Variants in PIK3R3 observed in about 807,000 individuals in gnomAD.
The protein encoded by PIK3R3 is phosphoinositide-3-kinase regulatory subunit 3, also known as phosphatidylinositol 3-kinase regulatory subunit gamma.
In PIK3R3, 64 loss-of-function variants were observed where a neutral mutation model predicts 62.9. The observed-to-expected ratio is 1.02, with a 90% CI of 0.83 to 1.25. The LOEUF (loss-of-function observed/expected upper bound fraction) is 1.25. Ranked by LOEUF, PIK3R3 falls within the 50% of genes most tolerant of loss-of-function variation. The pLI, the probability that PIK3R3 is intolerant of heterozygous loss-of-function variation, is 0.00. For synonymous variants in PIK3R3, 165 were observed against 189.0 expected (o/e 0.87, Z 1.04); for missense variants, 614 against 561.6 (o/e 1.09, Z -0.94).
chr1:46,041,237 T>C lies in PIK3R3; in HGVS notation c.*2436A>G, dbSNP rs191258079. 1.9e-5 allele frequency: 3 copies of C among 154,252 alleles called. No individual in the cohort carries two copies. Among genetic ancestry groups the C allele is most frequent in the Admixed American group, 1.3e-4 (2 of 15,312 alleles). The allele number at this position is 154,252 out of a possible 1,614,324, so 9.6% of individuals were successfully genotyped here. On this transcript the variant is annotated 3_prime_UTR_variant, in exon 10 of 10. Transcript: ENST00000262741. ...TCTACACACCAGGCCCAGTGGGTAG[T>C]AGACTGGTCCCTATGCCATTTCCAC...
chr1:46,061,108 C>T (rs528341040), intron 6 of PIK3R3, among the ~76,000 whole-genome samples: 37 of 152,344 alleles, frequency 2.4e-4, no homozygotes, highest in African/African-American at 8.7e-4. Flanking sequence ...TAATCAGCTG[C>T]CTGCCCCCTA....
chr1:46,162,286 C>A, the PIK3R3 span, among the ~76,000 whole-genome samples: 3 of 151,822 alleles, frequency 2.0e-5, no homozygotes, highest in Non-Finnish European at 4.4e-5. Context: ...AGTTAGAGAC[C>A]AGCCTGGACA....
At chr1:46,117,202 G>A (rs1490911793) in intron 1 of PIK3R3, among the ~76,000 whole-genome samples, 3 of 152,138 alleles carry the variant, frequency 2.0e-5, no homozygotes, top group Non-Finnish European at 4.4e-5. Flanking sequence ...GGACGCCAAG[G>A]CAGGAGGATC....
rs1647004999 is a variant in PIK3R3, at chr1:46,041,950, CAGGTA to C, written c.*1718_*1722del. 9.1e-6 allele frequency: 2 copies of C among 218,850 alleles called. No homozygotes were observed. Among genetic ancestry groups the C allele is most frequent in the Non-Finnish European group, 1.8e-5 (2 of 109,006 alleles). The allele number at this position is 218,850 out of a possible 1,614,324, so 13.6% of individuals were successfully genotyped here. Reference sequence around the variant, plus strand: ...AGACCCTGTCATGGAAATAAGTGCTCAGGTAAACTAATATTTTTCTTTCACCCCCA... The same window carrying C: ...AGACCCTGTCATGGAAATAAGTGCTCAACTAATATTTTTCTTTCACCCCCA... On this transcript the variant is annotated 3_prime_UTR_variant, in exon 10 of 10. Coordinates refer to ENST00000262741, the MANE Select transcript of PIK3R3 (RefSeq NM_003629.4).
intron 1 of PIK3R3, among the ~76,000 whole-genome samples, chr1:46,131,047 A>T (rs564052476): frequency 6.6e-6 from 1 of 152,264 alleles, no homozygotes; most frequent in African/African-American, 2.4e-5. Flanking sequence ...CATTACGTGT[A>T]TAGGAACACA....
intron 3 of PIK3R3, among the ~76,000 whole-genome samples, chr1:46,074,730 C>T (rs940808666): frequency 2.0e-5 from 3 of 152,288 alleles, no homozygotes; most frequent in Middle Eastern, 3.4e-3. Flanking sequence ...GCAAACAAGA[C>T]TCATCAGAAT....
intron 6 of PIK3R3, among the ~76,000 whole-genome samples, chr1:46,058,062 G>C (rs940224909): frequency 1.3e-5 from 2 of 152,212 alleles, no homozygotes; most frequent in Non-Finnish European, 2.9e-5. Context: ...GTGCAGCCTA[G>C]AGACTTGGTG....
At chr1:46,048,673 C>A (rs1265174024) in intron 7 of PIK3R3, among the ~76,000 whole-genome samples, 1 of 152,068 alleles carries the variant, frequency 6.6e-6, no homozygotes, top group Non-Finnish European at 1.5e-5. Flanking sequence ...ACTGAGCCTC[C>A]CTTTCTGCCA....
At chr1:46,069,675 C>T (rs2149400247) in intron 3 of PIK3R3, among the ~76,000 whole-genome samples, 1 of 152,240 alleles carries the variant, frequency 6.6e-6, no homozygotes, top group Non-Finnish European at 1.5e-5. Context: ...GATAGAAATT[C>T]AGGAGTTACC....
intron 1 of PIK3R3, among the ~76,000 whole-genome samples, chr1:46,120,237 T>A (rs1259350610): frequency 6.6e-6 from 1 of 152,184 alleles, no homozygotes; most frequent in South Asian, 2.1e-4. Context: ...AAAAGGTCTG[T>A]CTTATATTAA....
chr1:46,071,323 T>C (rs1402799000), intron 3 of PIK3R3, among the ~76,000 whole-genome samples: 1 of 152,124 alleles, frequency 6.6e-6, no homozygotes, highest in African/African-American at 2.4e-5. Flanking sequence ...TCTCTGGTCC[T>C]GTACTCTCTC....
rs76647016 is a variant in PIK3R3 at position 46,061,868 on chromosome 1, T to C, written c.764+61A>G. On this transcript the variant is annotated intron_variant, in intron 6 of 9. Transcript: ENST00000262741. ...GGGTAAAAGAAAACAAGACAGAAAT[T>C]ATTGGGGAAGAAAAGAAATCCTGTC... 1.3e-3 allele frequency: 1,919 copies of C among 1,494,644 alleles called. 27 individuals are homozygous for C. The African/African-American group carries it at 0.024, about 19-fold the overall frequency. The allele number at this position is 1,494,644 out of a possible 1,614,324, so 92.6% of individuals were successfully genotyped here. A position where few individuals can be genotyped will look rare whatever the true frequency, so the allele number is the denominator to read the frequency against.
chr1:46,169,901 C>T, the PIK3R3 span, among the ~76,000 whole-genome samples: 1 of 152,250 alleles, frequency 6.6e-6, no homozygotes, highest in Admixed American at 6.5e-5. Context: ...CAAGGGTCCC[C>T]ATACAAATTT....
At chr1:46,162,479 A>AAATT in the PIK3R3 span, among the ~76,000 whole-genome samples, 1 of 152,110 alleles carries the variant, frequency 6.6e-6, no homozygotes, top group Non-Finnish European at 1.5e-5. Context: ...TCAAATAAAT[A>AAATT]AATTAATTAA....
At chr1:46,172,258 G>C in the PIK3R3 span, among the ~76,000 whole-genome samples, 1 of 152,202 alleles carries the variant, frequency 6.6e-6, no homozygotes, top group African/African-American at 2.4e-5. Context: ...CCATTTCTGA[G>C]CCTCGGTTTT....
chr1:46,093,640 A>G (rs1651845289), intron 1 of PIK3R3, among the ~76,000 whole-genome samples: 1 of 152,106 alleles, frequency 6.6e-6, no homozygotes, highest in African/African-American at 2.4e-5. Flanking sequence ...ATGTAATCCT[A>G]GCACTTTGGG....
At chr1:46,146,583 C>T in the PIK3R3 span, among the ~76,000 whole-genome samples, 1 of 152,016 alleles carries the variant, frequency 6.6e-6, no homozygotes. Flanking sequence ...TCCCTACAAC[C>T]TCATCGATCA....
chr1:46,040,937 A>G lies in PIK3R3; in HGVS notation c.*2736T>C, dbSNP rs867518889. On this transcript the variant is annotated 3_prime_UTR_variant, in exon 10 of 10. Transcript: ENST00000262741. ...TGGAGACAACACTGTTCTGTGATGA[A>G]AGCTTCACCTGGAAACAATGGGCCT... 2 of 174,776 alleles carry G rather than the reference A, an allele frequency of 1.1e-5. No homozygotes were observed. The highest frequency in any genetic ancestry group is 2.3e-3 in the Middle Eastern group (1 of 438). The allele number at this position is 174,776 out of a possible 1,614,324, so 10.8% of individuals were successfully genotyped here. A position where few individuals can be genotyped will look rare whatever the true frequency, so the allele number is the denominator to read the frequency against.
chr1:46,155,942 A>T, the PIK3R3 span, among the ~76,000 whole-genome samples: 1 of 152,222 alleles, frequency 6.6e-6, no homozygotes, highest in Non-Finnish European at 1.5e-5. Flanking sequence ...CTGAGTATTT[A>T]TAACAGAAAC....
Sources: allele counts gnomAD v4.1 joint callset (sites outside exome capture counted in the v4.1 genomes callset), GRCh38; gene constraint gnomAD v4.1.1; transcripts MANE v1.5; gene names NCBI Gene and HGNC (gene_info 2026-07-23, HGNC 2026-07-21).